KLHL1: variants seen among roughly 807,000 people sequenced by gnomAD.
KLHL1 encodes kelch-like protein 1.
In KLHL1, 47 loss-of-function variants were observed where a neutral mutation model predicts 77.7. That is an observed-to-expected ratio of 0.60 (90% CI 0.48 to 0.77). KLHL1 has a LOEUF of 0.77. KLHL1 is among the 30% of genes least tolerant of loss of function. The probability of loss-of-function intolerance (pLI) is 0.00; values close to 1 mark genes in which losing one functional copy is unlikely to be tolerated. For missense variants in KLHL1, 925 were observed against 910.8 expected (o/e 1.02, Z -0.20); for synonymous variants, 360 against 325.2 (o/e 1.11, Z -1.15).
chr13:69,904,062 T>C (rs920165223), intron 4 of KLHL1, among the ~76,000 whole-genome samples: 2 of 152,032 alleles, frequency 1.3e-5, no homozygotes, highest in Non-Finnish European at 2.9e-5. Context: ...TATTATTATA[T>C]TAATATGCAG....
intron 4 of KLHL1, among the ~76,000 whole-genome samples, chr13:69,922,664 T>TA (rs557275037): frequency 9.9e-5 from 15 of 152,138 alleles, no homozygotes; most frequent in South Asian, 4.1e-4. Context: ...CAAGCAAAAT[T>TA]AAAAAAACAT....
At chr13:69,834,590 T>C (rs1353398229) in intron 6 of KLHL1, among the ~76,000 whole-genome samples, 2 of 152,154 alleles carry the variant, frequency 1.3e-5, no homozygotes, top group Non-Finnish European at 1.5e-5. Context: ...CCACTTTGGA[T>C]ATCCATTTAG....
chr13:69,833,419 C>T (rs114186288), intron 6 of KLHL1, among the ~76,000 whole-genome samples: 6,423 of 151,718 alleles, frequency 0.042, 241 homozygotes, highest in African/African-American at 0.096. Flanking sequence ...CAGTTTACTC[C>T]TCCAAGAATG....
intron 6 of KLHL1, among the ~76,000 whole-genome samples, chr13:69,823,012 C>T (rs544708222): frequency 2.5e-4 from 38 of 152,214 alleles, no homozygotes; most frequent in Admixed American, 2.0e-4. Flanking sequence ...GTCAAAAGTT[C>T]GCTATCAAGA....
intron 9 of KLHL1, among the ~76,000 whole-genome samples, chr13:69,715,017 C>A (rs1288753583): frequency 6.6e-6 from 1 of 152,134 alleles, no homozygotes; most frequent in African/African-American, 2.4e-5. Flanking sequence ...AAATTCTGGG[C>A]AGCATATCTA....
intron 1 of KLHL1, among the ~76,000 whole-genome samples, chr13:70,075,760 C>T (rs76499142): frequency 5.7e-5 from 8 of 140,782 alleles, no homozygotes; most frequent in Admixed American, 1.4e-4. Flanking sequence ...CATACACACA[C>T]ATATATATAT....
At chr13:69,974,375 A>C (rs1226298719) in intron 2 of KLHL1, among the ~76,000 whole-genome samples, 7 of 151,716 alleles carry the variant, frequency 4.6e-5, no homozygotes, top group South Asian at 2.1e-4. Flanking sequence ...TCCAATAGGA[A>C]TATTGTAAAC....
intron 6 of KLHL1, among the ~76,000 whole-genome samples, chr13:69,820,442 C>A (rs1878288630): frequency 2.6e-5 from 4 of 152,116 alleles, no homozygotes; most frequent in Admixed American, 2.6e-4. Context: ...TTATCAAGTT[C>A]ATGCACAGGC....
At chr13:70,094,393 T>TTTTATATATATATATATA (rs1555296826) in intron 1 of KLHL1, among the ~76,000 whole-genome samples, 2 of 137,144 alleles carry the variant, frequency 1.5e-5, no homozygotes, top group Admixed American at 7.1e-5. Context: ...GCAATCATCT[T>TTTTATATATATATATATA]TATATATATA....
At chr13:70,034,975 A>C (rs1237094399) in intron 1 of KLHL1, among the ~76,000 whole-genome samples, 1 of 152,116 alleles carries the variant, frequency 6.6e-6, no homozygotes, top group East Asian at 1.9e-4. Context: ...AATTTAAATA[A>C]AGTGATTTTT....
chr13:69,968,891 G>A (rs1884300080), intron 2 of KLHL1, among the ~76,000 whole-genome samples: 1 of 151,912 alleles, frequency 6.6e-6, no homozygotes, highest in East Asian at 1.9e-4. Context: ...AAAAAAAGAA[G>A]TGCTCAAAAC....
intron 3 of KLHL1, among the ~76,000 whole-genome samples, chr13:69,949,300 G>A (rs983857730): frequency 1.3e-5 from 2 of 151,266 alleles, no homozygotes; most frequent in Non-Finnish European, 3.0e-5. Flanking sequence ...GCAACTCTAG[G>A]CTGCGGAAGT....
intron 1 of KLHL1, among the ~76,000 whole-genome samples, chr13:70,042,436 T>G (rs888447901): frequency 6.6e-6 from 1 of 152,146 alleles, no homozygotes. Context: ...TAGTCAACAA[T>G]GTACCATATA....
chr13:70,026,183 A>G (rs1885935550), intron 1 of KLHL1, among the ~76,000 whole-genome samples: 1 of 152,142 alleles, frequency 6.6e-6, no homozygotes, highest in Non-Finnish European at 1.5e-5. Context: ...GATAGCACCA[A>G]AGAGGGCTCC....
chr13:70,002,042 G>T (rs571774363), intron 1 of KLHL1, among the ~76,000 whole-genome samples: 1 of 151,522 alleles, frequency 6.6e-6, no homozygotes, highest in Non-Finnish European at 1.5e-5. Flanking sequence ...AATCTTCAAT[G>T]ATATTAAAGC....
chr13:70,055,292 G>C (rs1375007142), intron 1 of KLHL1, among the ~76,000 whole-genome samples: 1 of 151,820 alleles, frequency 6.6e-6, no homozygotes, highest in African/African-American at 2.4e-5. Flanking sequence ...ATGTGCTGAA[G>C]GAAAAAATAT....
chr13:69,952,204 C>T (rs891950115), intron 3 of KLHL1, among the ~76,000 whole-genome samples: 3 of 151,310 alleles, frequency 2.0e-5, no homozygotes, highest in African/African-American at 7.3e-5. Flanking sequence ...GTCAGTTAAT[C>T]AAAAATGCTC....
intron 9 of KLHL1, among the ~76,000 whole-genome samples, chr13:69,710,987 G>T (rs532882895): frequency 6.6e-6 from 1 of 152,066 alleles, no homozygotes. Context: ...GTTAAAATTA[G>T]CTACAAAATG....
intron 1 of KLHL1, among the ~76,000 whole-genome samples, chr13:70,062,534 T>C (rs1354813972): frequency 6.6e-6 from 1 of 152,196 alleles, no homozygotes; most frequent in Admixed American, 6.5e-5. Flanking sequence ...GTAACATGTA[T>C]ACCTATGTAA....
Sources: allele counts gnomAD v4.1 joint callset (sites outside exome capture counted in the v4.1 genomes callset), GRCh38; gene constraint gnomAD v4.1.1; transcripts MANE v1.5; gene names NCBI Gene and HGNC (gene_info 2026-07-23, HGNC 2026-07-21).